The following PTK2 variants were observed in gnomAD, a reference collection of about 807,000 sequenced individuals.
The protein encoded by PTK2 is focal adhesion kinase 1.
Under a neutral mutation model 150.1 loss-of-function variants are expected in PTK2, and 45 were observed. The ratio of observed to expected loss-of-function variants is 0.30; its 90% confidence interval spans 0.24 to 0.38. The LOEUF (loss-of-function observed/expected upper bound fraction) is 0.38. PTK2 is among the 10% of genes least tolerant of loss of function. PTK2 has a pLI of 1.00. For missense variants in PTK2, 919 were observed against 1,307.3 expected (o/e 0.70, Z 4.58); for synonymous variants, 432 against 449.2 (o/e 0.96, Z 0.48).
intron 14 of PTK2, among the ~76,000 whole-genome samples, chr8:140,788,133 ATTAAGC>A (rs2100086081): frequency 6.6e-6 from 1 of 152,312 alleles, no homozygotes; most frequent in East Asian, 1.9e-4. Context: ...AGAAGTCACG[ATTAAGC>A]TTATAAGGAT....
intron 1 of PTK2, among the ~76,000 whole-genome samples, chr8:140,927,975 A>AAAGAAAAAAAAAAAAAT: frequency 2.1e-5 from 1 of 48,196 alleles, no homozygotes; most frequent in Non-Finnish European, 3.4e-5. Flanking sequence ...AAAAAAAAAA[A>AAAGAAAAAAAAAAAAAT]ATATATATAT....
chr8:140,741,828 G>A lies in PTK2; in HGVS notation c.1735+1402C>T, dbSNP rs531510915. On this transcript the variant is annotated intron_variant, in intron 20 of 31. Transcript: ENST00000522684. ...GCAAAATTAAACACAACTGACATGA[G>A]CTAGATTTCAGTTAAAAAAACTAAT... 6.6e-5 allele frequency among the ~76,000 whole-genome samples: 10 copies of A among 152,236 alleles called. No homozygotes were observed. The East Asian group carries it at 1.9e-3, about 29-fold the overall frequency.
At chr8:140,772,773 G>A (rs1164836785) in intron 14 of PTK2, among the ~76,000 whole-genome samples, 3 of 152,140 alleles carry the variant, frequency 2.0e-5, no homozygotes, top group Non-Finnish European at 4.4e-5. Context: ...TATAAATATA[G>A]TGAAATGGAG....
chr8:140,684,790 TATGGTCGTACCGCCCA>T (rs907137186), intron 27 of PTK2, among the ~76,000 whole-genome samples: 1 of 152,162 alleles, frequency 6.6e-6, no homozygotes, highest in East Asian at 1.9e-4. Flanking sequence ...CCGCCCAAAG[TATGGTCGTACCGCCCA>T]ATGGTCATAC....
chr8:140,747,956 C>T (rs1405843336), intron 17 of PTK2, among the ~76,000 whole-genome samples: 1 of 151,886 alleles, frequency 6.6e-6, no homozygotes. Flanking sequence ...GTAAAAATCA[C>T]TCCTGACTGG....
At chr8:140,669,897 C>T (rs2094607897) in intron 29 of PTK2, 162 bp from the exon 33 acceptor site, 3 of 783,508 alleles carry the variant, frequency 3.8e-6, no homozygotes, top group Non-Finnish European at 6.1e-6. Flanking sequence ...CTCTCACTCA[C>T]TGTTGCCAGG....
At chr8:140,890,901 T>G (rs1167616588) in intron 2 of PTK2, 132 bp from the exon 3 acceptor site, 2 of 735,734 alleles carry the variant, frequency 2.7e-6, no homozygotes, top group African/African-American at 3.5e-5. Context: ...CTGAGGAGAA[T>G]AGAGACCTAA....
intron 5 of PTK2, among the ~76,000 whole-genome samples, chr8:140,847,336 G>C (rs1180292226): frequency 6.6e-6 from 1 of 152,158 alleles, no homozygotes; most frequent in Non-Finnish European, 1.5e-5. Flanking sequence ...CTAAAGTAAA[G>C]AGAAGAATCT....
intron 26 of PTK2, among the ~76,000 whole-genome samples, chr8:140,691,821 T>C (rs1385338342): frequency 2.0e-5 from 3 of 152,230 alleles, no homozygotes; most frequent in African/African-American, 7.2e-5. Flanking sequence ...AAATATTTGC[T>C]GAAGGAATGC....
chr8:140,731,616 T>A (rs1565257640), intron 22 of PTK2, among the ~76,000 whole-genome samples: 1 of 152,070 alleles, frequency 6.6e-6, no homozygotes. Context: ...TATACAAGGC[T>A]GGGCATGGTG....
At chr8:140,932,462 C>T (rs1001017127) in intron 1 of PTK2, among the ~76,000 whole-genome samples, 4 of 152,014 alleles carry the variant, frequency 2.6e-5, no homozygotes, top group Admixed American at 6.6e-5. Context: ...GTGATCCACC[C>T]GCATCAGCCT....
intron 29 of PTK2, chr8:140,672,273 C>T (rs1273516417): frequency 1.2e-5 from 4 of 340,698 alleles, no homozygotes; most frequent in African/African-American, 2.2e-5. Flanking sequence ...AAGTGATCCT[C>T]CTTCCTCAGC....
chr8:140,902,688 C>T (rs1350830958), intron 2 of PTK2, among the ~76,000 whole-genome samples: 2 of 152,110 alleles, frequency 1.3e-5, no homozygotes, highest in Non-Finnish European at 2.9e-5. Flanking sequence ...TGTGGTTTTG[C>T]TTTGCATGTC....
intron 31 of PTK2, 46 bp from the exon 36 acceptor site, chr8:140,659,724 T>G: frequency 6.5e-7 from 1 of 1,545,408 alleles, no homozygotes; most frequent in Non-Finnish European, 8.8e-7. Flanking sequence ...CAGTGATTTT[T>G]TTTTTTCTTT....
chr8:140,863,865 A>G (rs767414557), intron 5 of PTK2, among the ~76,000 whole-genome samples: 3 of 152,234 alleles, frequency 2.0e-5, no homozygotes, highest in Non-Finnish European at 4.4e-5. Context: ...ACAAAATTAT[A>G]TGTACAAATG....
chr8:140,668,461 A>G, intron 29 of PTK2, 37 bp from the exon 34 acceptor site: 1 of 1,578,408 alleles, frequency 6.3e-7, no homozygotes, highest in East Asian at 2.2e-5. Context: ...TCTGCTCTCC[A>G]GCAGATGGCG....
chr8:140,916,207 T>C (rs13264104), intron 2 of PTK2, among the ~76,000 whole-genome samples: 147,000 of 152,294 alleles, frequency 0.97, 71,145 homozygotes, highest in South Asian at 1. Context: ...ATTTAAAGGC[T>C]GATTCACTCC....
chr8:140,817,337 TG>T (rs1421264771), intron 10 of PTK2, among the ~76,000 whole-genome samples: 1 of 152,004 alleles, frequency 6.6e-6, no homozygotes, highest in East Asian at 1.9e-4. Flanking sequence ...AGAGTACACT[TG>T]GAAAAAAGCA....
At position 140,705,583 on chromosome 8, in the gene PTK2, T is replaced by G. The variant is rs866667245; in HGVS notation, c.2229+536A>C. Among the ~76,000 whole-genome samples, 7 of 152,198 alleles carry G rather than the reference T, an allele frequency of 4.6e-5. 1 individual carries two copies. In the South Asian group the frequency reaches 1.0e-3, roughly 23 times the overall value. ...ATGCACCTCTCGGAACAAAGACCTG[T>G]GCATTGTAAGGTATACCCCAGTAAA... On this transcript the variant is annotated intron_variant, in intron 24 of 31. Transcript: ENST00000522684.
Sources: allele counts gnomAD v4.1 joint callset (sites outside exome capture counted in the v4.1 genomes callset), GRCh38; gene constraint gnomAD v4.1.1; transcripts MANE v1.5; gene names NCBI Gene and HGNC (gene_info 2026-07-23, HGNC 2026-07-21).